Variants in GRIK4 observed in about 807,000 individuals in gnomAD.
GRIK4 encodes the protein glutamate receptor ionotropic, kainate 4.
GRIK4 carries 40 observed loss-of-function variants against 104.9 expected under a neutral mutation model. That is an observed-to-expected ratio of 0.38 (90% confidence interval 0.30 to 0.50). The LOEUF is 0.50. Among genes scored for constraint, GRIK4 ranks in the 20% least tolerant of loss-of-function variants. GRIK4 has a pLI of 0.93. For synonymous variants in GRIK4, 485 were observed against 524.9 expected, an observed-to-expected ratio of 0.92 and a Z score of 1.04; for missense variants, 1,047 against 1,308.1, an observed-to-expected ratio of 0.80 and a Z score of 3.08.
chr11:120,964,435 C>G (rs1944348833), intron 18 of GRIK4, among the ~76,000 whole-genome samples: 1 of 152,168 alleles, frequency 6.6e-6, no homozygotes, highest in African/African-American at 2.4e-5. Flanking sequence ...ACTCAGAAAC[C>G]TGCACACCCT....
intron 10 of GRIK4, 119 bp downstream of exon 10, chr11:120,874,337 C>G: frequency 2.6e-6 from 2 of 772,804 alleles, no homozygotes; most frequent in Non-Finnish European, 4.1e-6. Flanking sequence ...TTATTACAGC[C>G]CCAGATAAAT....
chr11:120,729,747 C>G (rs1951097223), intron 3 of GRIK4, among the ~76,000 whole-genome samples: 1 of 152,072 alleles, frequency 6.6e-6, no homozygotes, highest in South Asian at 2.1e-4. Flanking sequence ...CTTTGCTGTG[C>G]AGAAGTTTTT....
intron 11 of GRIK4, among the ~76,000 whole-genome samples, chr11:120,881,873 C>T (rs1751875120): frequency 6.6e-6 from 1 of 152,086 alleles, no homozygotes; most frequent in Non-Finnish European, 1.5e-5. Flanking sequence ...CTTATCGTGG[C>T]CCTGTGCAGC....
intron 11 of GRIK4, among the ~76,000 whole-genome samples, chr11:120,877,882 A>C: frequency 6.6e-6 from 1 of 152,170 alleles, no homozygotes; most frequent in Non-Finnish European, 1.5e-5. Context: ...GAAAGAGCCC[A>C]CTTCCAGCAC....
At chr11:120,915,787 G>A (rs184054222) in intron 13 of GRIK4, among the ~76,000 whole-genome samples, 70 of 152,292 alleles carry the variant, frequency 4.6e-4, no homozygotes, top group African/African-American at 1.3e-3. Context: ...CCATGTAGAA[G>A]CTCTACACTC....
intron 8 of GRIK4, among the ~76,000 whole-genome samples, chr11:120,860,765 C>G (rs778840200): frequency 1.1e-4 from 17 of 152,172 alleles, no homozygotes; most frequent in Non-Finnish European, 2.2e-4. Flanking sequence ...AATGAAGGCA[C>G]CACCCTACCC....
intron 1 of GRIK4, among the ~76,000 whole-genome samples, chr11:120,651,690 C>T (rs1949621464): frequency 6.6e-6 from 1 of 152,142 alleles, no homozygotes; most frequent in Non-Finnish European, 1.5e-5. Flanking sequence ...ATGCTCATTA[C>T]CCCTGGCTAA....
chr11:120,798,249 A>G (rs1223891100), intron 3 of GRIK4, among the ~76,000 whole-genome samples: 3 of 141,340 alleles, frequency 2.1e-5, no homozygotes, highest in Non-Finnish European at 4.5e-5. Context: ...GCTCACTGCA[A>G]CCTCTGCCTT....
At chr11:120,899,413 T>A (rs1942671767) in intron 12 of GRIK4, among the ~76,000 whole-genome samples, 2 of 130,034 alleles carry the variant, frequency 1.5e-5, no homozygotes, top group South Asian at 5.2e-4. Flanking sequence ...AGAGTGAGAC[T>A]GTCTCAAAAA....
At chr11:120,717,557 TAA>T (rs569990491) in intron 3 of GRIK4, among the ~76,000 whole-genome samples, 1 of 144,166 alleles carries the variant, frequency 6.9e-6, no homozygotes. Flanking sequence ...CCTAAAAGTT[TAA>T]AAAAAAAAAA....
At chr11:120,637,048 A>G (rs1425912726) in intron 1 of GRIK4, among the ~76,000 whole-genome samples, 1 of 152,148 alleles carries the variant, frequency 6.6e-6, no homozygotes, top group Admixed American at 6.5e-5. Flanking sequence ...GCCTCCCCAG[A>G]CGTAGGCATT....
At chr11:120,712,275 T>G (rs924161633) in intron 3 of GRIK4, among the ~76,000 whole-genome samples, 2 of 151,742 alleles carry the variant, frequency 1.3e-5, no homozygotes, top group Admixed American at 6.6e-5. Context: ...GGGGCGAGGG[T>G]TGGGAAGAGA....
chr11:120,962,674 G>C lies in GRIK4; in HGVS notation c.2259G>C (p.Met753Ile). ...LLDTKGYGIG[M>I]PVGSVFRDEF... ...ACACCAAGGGCTATGGGATTGGCAT[G>C]CCAGTCGGTATGCGGGAGAGGAACA... The change falls in exon 18 of 21, where the codon ATG becomes ATC. Residue 753 changes from methionine (M) to isoleucine (I), a missense_variant. By Grantham distance (10) the Met-to-Ile change is conservative (BLOSUM62 1). Transcript: ENST00000527524. The C allele has an allele frequency of 6.2e-7, 1 of 1,610,884 alleles. No homozygotes were observed. The highest frequency in any genetic ancestry group is 8.5e-7 in the Non-Finnish European group (1 of 1,177,072).
intron 1 of GRIK4, among the ~76,000 whole-genome samples, chr11:120,641,847 C>T (rs1949475600): frequency 1.3e-5 from 2 of 152,204 alleles, no homozygotes; most frequent in African/African-American, 4.8e-5. Flanking sequence ...AGGTCTCAGC[C>T]TCATTTTACC....
At chr11:120,662,204 C>T (rs1207710551) in intron 3 of GRIK4, among the ~76,000 whole-genome samples, 2 of 152,286 alleles carry the variant, frequency 1.3e-5, no homozygotes, top group East Asian at 3.9e-4. Context: ...CAAAGGCACC[C>T]CTCGTGCTCC....
At chr11:120,747,452 G>T (rs1951464468) in intron 3 of GRIK4, among the ~76,000 whole-genome samples, 2 of 152,184 alleles carry the variant, frequency 1.3e-5, no homozygotes, top group Non-Finnish European at 2.9e-5. Context: ...AAAATGTCTG[G>T]AAGGAAGCCA....
At chr11:120,617,729 G>A (rs941972864) in intron 1 of GRIK4, among the ~76,000 whole-genome samples, 2 of 152,122 alleles carry the variant, frequency 1.3e-5, no homozygotes, top group African/African-American at 4.8e-5. Flanking sequence ...TGCTCCGGCT[G>A]TGTGAAGTGC....
chr11:120,789,365 A>G (rs1342439326), intron 3 of GRIK4, among the ~76,000 whole-genome samples: 1 of 152,120 alleles, frequency 6.6e-6, no homozygotes, highest in Non-Finnish European at 1.5e-5. Context: ...TTGTCAGTGA[A>G]GCCAAGAGCC....
At chr11:120,585,896 A>G (rs4363614) in intron 1 of GRIK4, among the ~76,000 whole-genome samples, 115,512 of 152,000 alleles carry the variant, frequency 0.76, 44,140 homozygotes, top group Admixed American at 0.82. Context: ...TGAGAAACTG[A>G]TTGGGTCAGG....
Sources: allele counts gnomAD v4.1 joint callset (sites outside exome capture counted in the v4.1 genomes callset), GRCh38; gene constraint gnomAD v4.1.1; transcripts MANE v1.5; gene names NCBI Gene and HGNC (gene_info 2026-07-23, HGNC 2026-07-21).